The following FAM222A variants were observed in gnomAD, a reference collection of about 807,000 sequenced individuals.
FAM222A encodes protein FAM222A.
A neutral mutation model predicts 25.8 loss-of-function variants in FAM222A; 7 were observed. The observed-to-expected ratio is 0.27, with a 90% CI of 0.15 to 0.51. The LOEUF (loss-of-function observed/expected upper bound fraction) is 0.51, where lower values mean the gene tolerates loss of function less well. FAM222A is among the 20% of genes least tolerant of loss of function. The probability of loss-of-function intolerance (pLI) is 0.97; values close to 1 mark genes in which losing one functional copy is unlikely to be tolerated. For missense variants in FAM222A, 573 were observed against 640.5 expected (o/e 0.89, Z 1.14); for synonymous variants, 294 against 298.8 (o/e 0.98, Z 0.17).
chr12:109,729,655 C>T (rs547686049), intron 1 of FAM222A, among the ~76,000 whole-genome samples: 1 of 152,402 alleles, frequency 6.6e-6, no homozygotes, highest in South Asian at 2.1e-4. Flanking sequence ...CGCACGCATG[C>T]ACATGCTGGC....
At chr12:109,762,302 A>G (rs1435171042) in intron 2 of FAM222A, among the ~76,000 whole-genome samples, 1 of 152,168 alleles carries the variant, frequency 6.6e-6, no homozygotes, top group Admixed American at 6.5e-5. Flanking sequence ...GGCCATGGAA[A>G]TCTTCTGAAG....
chr12:109,738,943 G>A (rs1278517252), intron 1 of FAM222A, among the ~76,000 whole-genome samples: 4 of 152,234 alleles, frequency 2.6e-5, no homozygotes, highest in Non-Finnish European at 4.4e-5. Flanking sequence ...CCTGGCCCCT[G>A]CCTGGCAGGT....
chr12:109,757,771 C>T (rs1270232523), intron 2 of FAM222A, among the ~76,000 whole-genome samples: 2 of 122,228 alleles, frequency 1.6e-5, no homozygotes, highest in Non-Finnish European at 1.7e-5. Context: ...GGGGAGGGGG[C>T]GGGACGGGTA....
chr12:109,721,803 T>G (rs925098120), intron 1 of FAM222A, among the ~76,000 whole-genome samples: 8 of 152,170 alleles, frequency 5.3e-5, no homozygotes, highest in African/African-American at 1.9e-4. Context: ...GATAACAGCA[T>G]GTATTTAGTT....
chr12:109,725,889 A>G (rs1213154419), intron 1 of FAM222A, among the ~76,000 whole-genome samples: 1 of 151,934 alleles, frequency 6.6e-6, no homozygotes, highest in Non-Finnish European at 1.5e-5. Flanking sequence ...GAAACTCCAC[A>G]GTGTTCCCGG....
At chr12:109,721,579 TG>T (rs1361456970) in intron 1 of FAM222A, among the ~76,000 whole-genome samples, 1 of 152,174 alleles carries the variant, frequency 6.6e-6, no homozygotes, top group Non-Finnish European at 1.5e-5. Flanking sequence ...TGAAACCAGT[TG>T]CCTGCCTGGC....
intron 2 of FAM222A, among the ~76,000 whole-genome samples, chr12:109,764,159 G>A (rs1888974025): frequency 1.3e-5 from 2 of 150,244 alleles, no homozygotes; most frequent in Admixed American, 1.3e-4. Context: ...GAGCCTGGGA[G>A]GTTGAGGCTG....
chr12:109,754,478 G>T (rs1041698476), intron 2 of FAM222A, among the ~76,000 whole-genome samples: 3 of 152,146 alleles, frequency 2.0e-5, no homozygotes, highest in African/African-American at 4.8e-5. Context: ...AACATTTTCT[G>T]CAAAGAGCAG....
chr12:109,744,280 G>A (rs150473587), intron 2 of FAM222A, 52 bp downstream of exon 2: 259 of 1,567,022 alleles, frequency 1.7e-4, no homozygotes, highest in South Asian at 2.0e-4. Context: ...GGCAGAGAAC[G>A]CCATTCACCC....
chr12:109,729,649 C>T (rs950036015), intron 1 of FAM222A, among the ~76,000 whole-genome samples: 4 of 152,282 alleles, frequency 2.6e-5, no homozygotes, highest in African/African-American at 4.8e-5. Flanking sequence ...GACGCGCGCA[C>T]GCATGCACAT....
chr12:109,740,355 C>T lies in FAM222A; in HGVS notation c.-46-3746C>T, dbSNP rs780162757. On this transcript the variant is annotated intron_variant, in intron 1 of 2. Coordinates refer to ENST00000538780, the MANE Select transcript of FAM222A (RefSeq NM_032829.3). Reference sequence around the variant, plus strand: ...CAAGCATTCTAATCATTGAGGCATGCGACGTTTTTCCCCTCCCTGCCCCCC... The same window carrying T: ...CAAGCATTCTAATCATTGAGGCATGTGACGTTTTTCCCCTCCCTGCCCCCC... Among the ~76,000 whole-genome samples the T allele has an allele frequency of 9.2e-5, 14 of 152,266 alleles. No individual in the cohort carries two copies. The East Asian group carries it at 1.9e-3, about 21-fold the overall frequency.
chr12:109,756,156 C>T (rs1178809901), intron 2 of FAM222A, among the ~76,000 whole-genome samples: 3 of 152,098 alleles, frequency 2.0e-5, no homozygotes, highest in Non-Finnish European at 4.4e-5. Flanking sequence ...GAGTTTTGCT[C>T]TTTTGTTAAA....
chr12:109,739,356 G>C (rs1382575038), intron 1 of FAM222A, among the ~76,000 whole-genome samples: 9 of 152,246 alleles, frequency 5.9e-5, no homozygotes, highest in Non-Finnish European at 1.2e-4. Context: ...GTTCTGGCTA[G>C]ATGTTCCTTT....
At position 109,729,841 on chromosome 12, in the gene FAM222A, A is replaced by G. The variant is rs1296809946; in HGVS notation, c.-46-14260A>G. On this transcript the variant is annotated intron_variant, in intron 1 of 2. Coordinates refer to ENST00000538780, the MANE Select transcript of FAM222A (RefSeq NM_032829.3). ...CTTCTTTTCGATTTAATAAACACAT[A>G]CAATTCATTGTGTGCCAAAATGCCA... 3.3e-5 allele frequency among the ~76,000 whole-genome samples: 5 copies of G among 152,218 alleles called. No individual in the cohort carries two copies. The South Asian group carries it at 6.2e-4, about 19-fold the overall frequency.
intron 1 of FAM222A, among the ~76,000 whole-genome samples, chr12:109,732,883 G>A (rs925006273): frequency 2.0e-5 from 3 of 152,246 alleles, no homozygotes; most frequent in Non-Finnish European, 1.5e-5. Context: ...TGCCTACTGT[G>A]TGCCCCATCG....
At chr12:109,736,350 C>T (rs1888085605) in intron 1 of FAM222A, among the ~76,000 whole-genome samples, 1 of 152,222 alleles carries the variant, frequency 6.6e-6, no homozygotes, top group Non-Finnish European at 1.5e-5. Flanking sequence ...TAGGCAGCTA[C>T]CACAAGGACC....
chr12:109,748,337 T>C (rs928275546), intron 2 of FAM222A, among the ~76,000 whole-genome samples: 3 of 105,240 alleles, frequency 2.9e-5, no homozygotes, highest in Non-Finnish European at 1.9e-5. Flanking sequence ...TTTCTTTCTT[T>C]TTTTTTTTTT....
At chr12:109,715,997 G>A (rs796450368) in intron 1 of FAM222A, among the ~76,000 whole-genome samples, 6 of 152,328 alleles carry the variant, frequency 3.9e-5, no homozygotes, top group African/African-American at 1.4e-4. Flanking sequence ...TCTACCCCAA[G>A]GTCAGGGGCC....
chr12:109,740,095 A>C (rs895369499), intron 1 of FAM222A, among the ~76,000 whole-genome samples: 1 of 152,228 alleles, frequency 6.6e-6, no homozygotes, highest in Non-Finnish European at 1.5e-5. Context: ...ATAAAAACAG[A>C]GACAGCCTCC....
Sources: allele counts gnomAD v4.1 joint callset (sites outside exome capture counted in the v4.1 genomes callset), GRCh38; gene constraint gnomAD v4.1.1; transcripts MANE v1.5; gene names NCBI Gene and HGNC (gene_info 2026-07-23, HGNC 2026-07-21).